The following PDE4B variants were observed in gnomAD, a reference collection of about 807,000 sequenced individuals.
PDE4B encodes phosphodiesterase 4B, also known as 3',5'-cyclic-AMP phosphodiesterase 4B.
PDE4B carries 20 observed loss-of-function variants against 82.2 expected under a neutral mutation model. The observed-to-expected ratio is 0.24, with a 90% CI of 0.17 to 0.35. The LOEUF (loss-of-function observed/expected upper bound fraction) is 0.35. Ranked by LOEUF, PDE4B falls within the 10% of genes least tolerant of loss-of-function variation. PDE4B has a pLI of 1.00. For synonymous variants in PDE4B, 320 were observed against 318.9 expected, an observed-to-expected ratio of 1.00 and a Z score of -0.04; for missense variants, 655 against 907.2, an observed-to-expected ratio of 0.72 and a Z score of 3.57.
chr1:65,938,654 A>G (rs1648282415), intron 3 of PDE4B, among the ~76,000 whole-genome samples: 1 of 152,226 alleles, frequency 6.6e-6, no homozygotes, highest in South Asian at 2.1e-4. Flanking sequence ...TGTAGCATGT[A>G]CAAGTTATTG....
chr1:66,235,834 T>C (rs1420020155), intron 3 of PDE4B, among the ~76,000 whole-genome samples: 1 of 152,202 alleles, frequency 6.6e-6, no homozygotes, highest in Non-Finnish European at 1.5e-5. Flanking sequence ...TTTTTCAGAA[T>C]CGGGCAGCCC....
intron 3 of PDE4B, among the ~76,000 whole-genome samples, chr1:65,931,269 G>A (rs2310753): frequency 0.11 from 16,907 of 152,090 alleles, 1,098 homozygotes; most frequent in Middle Eastern, 0.2. Flanking sequence ...AACAATGAGC[G>A]AATTAAACCT....
At chr1:66,167,251 G>A (rs1468313248) in intron 3 of PDE4B, among the ~76,000 whole-genome samples, 2 of 152,086 alleles carry the variant, frequency 1.3e-5, no homozygotes, top group Admixed American at 1.3e-4. Context: ...CTGTACATGA[G>A]TATTCATAAA....
chr1:65,991,205 G>A (rs1651223174), intron 3 of PDE4B, among the ~76,000 whole-genome samples: 1 of 151,910 alleles, frequency 6.6e-6, no homozygotes, highest in South Asian at 2.1e-4. Flanking sequence ...ATCCTCCTGA[G>A]TAGCTGGGAT....
intron 3 of PDE4B, among the ~76,000 whole-genome samples, chr1:66,047,953 A>G (rs2100849992): frequency 6.6e-6 from 1 of 152,052 alleles, no homozygotes; most frequent in East Asian, 1.9e-4. Flanking sequence ...ATGGCTGTTA[A>G]GTGACAGACG....
chr1:65,998,286 T>A (rs1262874468), intron 3 of PDE4B, among the ~76,000 whole-genome samples: 1 of 152,118 alleles, frequency 6.6e-6, no homozygotes, highest in African/African-American at 2.4e-5. Flanking sequence ...TACACATAGT[T>A]CACTGGGGTT....
chr1:65,982,132 T>C (rs1650719336), intron 3 of PDE4B, among the ~76,000 whole-genome samples: 1 of 152,238 alleles, frequency 6.6e-6, no homozygotes, highest in Non-Finnish European at 1.5e-5. Flanking sequence ...CTTATGAATG[T>C]TAAAGATGTT....
chr1:65,910,655 G>A (rs540123839), intron 1 of PDE4B, among the ~76,000 whole-genome samples: 5 of 152,154 alleles, frequency 3.3e-5, no homozygotes, highest in Non-Finnish European at 5.9e-5. Flanking sequence ...AGCTGCTTCC[G>A]GTTCTACAGC....
At chr1:66,226,684 G>C (rs77510448) in intron 3 of PDE4B, among the ~76,000 whole-genome samples, 4 of 152,180 alleles carry the variant, frequency 2.6e-5, no homozygotes, top group African/African-American at 9.7e-5. Flanking sequence ...AAATGAGATC[G>C]GAAAGCAGAG....
chr1:66,075,203 C>G (rs1570157891), intron 3 of PDE4B, among the ~76,000 whole-genome samples: 1 of 152,026 alleles, frequency 6.6e-6, no homozygotes, highest in East Asian at 2.0e-4. Context: ...ACACCACCAG[C>G]TCACCTTTGA....
chr1:65,941,967 G>A (rs1648469703), intron 3 of PDE4B, among the ~76,000 whole-genome samples: 1 of 151,974 alleles, frequency 6.6e-6, no homozygotes, highest in South Asian at 2.1e-4. Context: ...CTTCCACTTT[G>A]TCCCTACAAT....
At chr1:66,317,502 GAGAGA>G (rs1048515617) in intron 7 of PDE4B, among the ~76,000 whole-genome samples, 2 of 152,132 alleles carry the variant, frequency 1.3e-5, no homozygotes, top group Non-Finnish European at 2.9e-5. Flanking sequence ...GATAAGATTT[GAGAGA>G]AGCAGGGATC....
At chr1:65,896,535 C>A (rs1210355221) in intron 1 of PDE4B, among the ~76,000 whole-genome samples, 1 of 152,038 alleles carries the variant, frequency 6.6e-6, no homozygotes, top group Non-Finnish European at 1.5e-5. Context: ...GAAGTAAGCC[C>A]AAAATCTTTC....
chr1:65,834,025 C>A (rs917820752), intron 1 of PDE4B, among the ~76,000 whole-genome samples: 1 of 152,188 alleles, frequency 6.6e-6, no homozygotes, highest in South Asian at 2.1e-4. Context: ...CACTGAGTTT[C>A]TTTAAGCAAG....
Position 65,878,905 on chromosome 1 carries a change from A to G in PDE4B, c.-70-34340A>G, listed in dbSNP as rs536056211. Among the ~76,000 whole-genome samples the G allele has an allele frequency of 2.0e-5, 3 of 152,246 alleles. No individual in the cohort carries two copies. In the South Asian group the frequency reaches 6.2e-4, roughly 31 times the overall value. On this transcript the variant is annotated intron_variant, in intron 1 of 16. Coordinates refer to ENST00000341517, the MANE Select transcript of PDE4B (RefSeq NM_002600.4). ...CCCAAAGTTAAAGTAAAATAAAAAA[A>G]ATTATAAAGACAATATGAAAACTTT...
intron 3 of PDE4B, among the ~76,000 whole-genome samples, chr1:66,110,538 A>G (rs915838947): frequency 6.6e-6 from 1 of 152,106 alleles, no homozygotes; most frequent in African/African-American, 2.4e-5. Flanking sequence ...TACCAAATAC[A>G]TGGTGGATAT....
At chr1:66,186,984 T>C (rs1345460923) in intron 3 of PDE4B, among the ~76,000 whole-genome samples, 3 of 152,334 alleles carry the variant, frequency 2.0e-5, no homozygotes, top group Non-Finnish European at 4.4e-5. Flanking sequence ...CATAGATGGC[T>C]CTTATTATTT....
At chr1:66,217,261 A>C (rs1432909977) in intron 3 of PDE4B, among the ~76,000 whole-genome samples, 1 of 152,028 alleles carries the variant, frequency 6.6e-6, no homozygotes, top group Non-Finnish European at 1.5e-5. Flanking sequence ...AAAAAAGTAC[A>C]TCTGGCTGGG....
intron 3 of PDE4B, among the ~76,000 whole-genome samples, chr1:66,068,481 A>G (rs1461852556): frequency 1.3e-5 from 2 of 151,936 alleles, no homozygotes; most frequent in African/African-American, 2.4e-5. Context: ...TTAAAAATTT[A>G]TATTTTAACA....
Sources: allele counts gnomAD v4.1 joint callset (sites outside exome capture counted in the v4.1 genomes callset), GRCh38; gene constraint gnomAD v4.1.1; transcripts MANE v1.5; gene names NCBI Gene and HGNC (gene_info 2026-07-23, HGNC 2026-07-21).